ZNF516: variants seen among roughly 807,000 people sequenced by gnomAD.
The protein encoded by ZNF516 is zinc finger protein 516.
ZNF516 carries 19 observed loss-of-function variants against 79.7 expected under a neutral mutation model. That is an observed-to-expected ratio of 0.24 (90% confidence interval 0.17 to 0.35). The LOEUF (loss-of-function observed/expected upper bound fraction) is 0.35, where lower values mean the gene tolerates loss of function less well. Ranked by LOEUF, ZNF516 falls within the 10% of genes least tolerant of loss-of-function variation. The pLI, the probability that ZNF516 is intolerant of heterozygous loss-of-function variation, is 1.00. For missense variants in ZNF516, 1,678 were observed against 1,679.5 expected, an observed-to-expected ratio of 1.00 and a Z score of 0.02; for synonymous variants, 877 against 739.5, an observed-to-expected ratio of 1.19 and a Z score of -3.02.
chr18:76,425,882 A>C (rs1234893476), intron 3 of ZNF516, among the ~76,000 whole-genome samples: 1 of 152,168 alleles, frequency 6.6e-6, no homozygotes, highest in Non-Finnish European at 1.5e-5. Context: ...CCCAGGCCCA[A>C]CCAAGCTTCC....
chr18:76,475,548 TGCACG>T (rs1914124916), intron 1 of ZNF516, among the ~76,000 whole-genome samples: 1 of 152,220 alleles, frequency 6.6e-6, no homozygotes, highest in Non-Finnish European at 1.5e-5. Context: ...TAAAGTTCCC[TGCACG>T]CTAAGAGAAA....
chr18:76,492,013 G>A, intron 1 of ZNF516, among the ~76,000 whole-genome samples: 1 of 152,196 alleles, frequency 6.6e-6, no homozygotes, highest in Non-Finnish European at 1.5e-5. Context: ...GACGAAGGTC[G>A]CCCACGGACC....
chr18:76,451,253 C>T lies in ZNF516; in HGVS notation c.-157-8042G>A, dbSNP rs769941070. Among the ~76,000 whole-genome samples, 2 of 152,152 alleles carry T rather than the reference C, an allele frequency of 1.3e-5. No individual in the cohort carries two copies. Among genetic ancestry groups the T allele is most frequent in the Non-Finnish European group, 1.5e-5 (1 of 68,034 alleles). On this transcript the variant is annotated intron_variant, in intron 2 of 6. Transcript: ENST00000443185. This position sits in a 1 kb window ranked among gnomAD's most constrained non-coding sequence, Gnocchi z 6.0. ...GGTCCCGAAACAGCCCTGGCTCCCCCGACGCCATGTGGCTTTACTTATCCC... is the reference window on the plus strand; with the variant it reads ...GGTCCCGAAACAGCCCTGGCTCCCCTGACGCCATGTGGCTTTACTTATCCC...
At chr18:76,489,221 C>G (rs993043448) in intron 1 of ZNF516, among the ~76,000 whole-genome samples, 7 of 152,302 alleles carry the variant, frequency 4.6e-5, no homozygotes, top group African/African-American at 1.7e-4. Context: ...AAATCCACAA[C>G]GACCCAATAC....
chr18:76,397,782 G>A (rs1228715691), intron 3 of ZNF516, among the ~76,000 whole-genome samples: 1 of 152,050 alleles, frequency 6.6e-6, no homozygotes, highest in African/African-American at 2.4e-5. Flanking sequence ...AAAACTTTTT[G>A]TAGAGATGGG....
At chr18:76,424,094 G>A (rs371334967) in intron 3 of ZNF516, among the ~76,000 whole-genome samples, 1 of 103,896 alleles carries the variant, frequency 9.6e-6, no homozygotes, top group African/African-American at 3.8e-5. Context: ...TACACACGCA[G>A]GTGAAAAGGC....
intron 2 of ZNF516, among the ~76,000 whole-genome samples, chr18:76,460,316 G>C (rs940244310): frequency 5.3e-5 from 8 of 152,102 alleles, no homozygotes; most frequent in Admixed American, 4.6e-4. Flanking sequence ...CACATCCCTC[G>C]ACAAGGCTGT....
intron 1 of ZNF516, among the ~76,000 whole-genome samples, chr18:76,466,637 A>C (rs1165913949): frequency 6.6e-6 from 1 of 152,220 alleles, no homozygotes; most frequent in Non-Finnish European, 1.5e-5. Flanking sequence ...CAGGCTCTCT[A>C]GACAGCGTGG....
intron 4 of ZNF516, chr18:76,372,804 C>T (rs1391536585): frequency 6.6e-6 from 1 of 152,226 alleles, no homozygotes; most frequent in Non-Finnish European, 1.5e-5. Flanking sequence ...TCAATATTCC[C>T]ATTGCCTTAC....
At chr18:76,424,576 C>T (rs183911553) in intron 3 of ZNF516, among the ~76,000 whole-genome samples, 1,486 of 108,388 alleles carry the variant, frequency 0.014, 24 homozygotes, top group African/African-American at 0.03. Flanking sequence ...AAGGTTCCCC[C>T]GAAACACACG....
chr18:76,362,384 T>C lies in ZNF516; in HGVS notation c.*114A>G. On this transcript the variant is annotated 3_prime_UTR_variant, in exon 7 of 7. Transcript: ENST00000443185. ...GGATGTGAGGTGTCTGCTCAGGAGT[T>C]CCCCGGCTGTTCTTCCATGGAGCGG... 3 of 1,018,282 alleles carry C rather than the reference T, an allele frequency of 2.9e-6. No individual in the cohort carries two copies. Among genetic ancestry groups the C allele is most frequent in the Non-Finnish European group, 4.4e-6 (3 of 680,022 alleles). The allele number at this position is 1,018,282 out of a possible 1,614,324, so 63.1% of individuals were successfully genotyped here.
rs771744261 is a variant in ZNF516, at chr18:76,442,770, C to G, written c.285G>C (p.Pro95=). The G allele has an allele frequency of 6.3e-7, 1 of 1,595,430 alleles. No individual in the cohort carries two copies. The highest frequency in any genetic ancestry group is 1.7e-5 in the Admixed American group (1 of 57,162). Residue 95 remains proline, a synonymous_variant, in exon 3 of 7, where the codon CCG becomes CCC. Coordinates refer to ENST00000443185, the MANE Select transcript of ZNF516 (RefSeq NM_014643.4). The part of the protein sequence containing the change: ...RTGTLIQGHE[P]EAGEAPLGEM... ...CACCCAGCGGCGCCTCGCCCGCCTC[C>G]GGCTCGTGTCCCTGAATCAGAGTCC...
At chr18:76,383,793 C>T (rs1435217816) in intron 3 of ZNF516, among the ~76,000 whole-genome samples, 3 of 152,376 alleles carry the variant, frequency 2.0e-5, no homozygotes, top group Middle Eastern at 6.8e-3. Flanking sequence ...CAGGCCCAAG[C>T]GCTCCCCGCA....
intron 1 of ZNF516, among the ~76,000 whole-genome samples, chr18:76,475,773 A>G (rs1417518452): frequency 6.6e-6 from 1 of 152,210 alleles, no homozygotes; most frequent in Non-Finnish European, 1.5e-5. Flanking sequence ...ACATGCCTTA[A>G]AGCAAATACA....
At position 76,443,215 on chromosome 18, in the gene ZNF516, A is replaced by T; in HGVS notation, c.-157-4T>A. On this transcript the variant is annotated splice_polypyrimidine_tract_variant and splice_region_variant and intron_variant, in intron 2 of 6. Coordinates refer to ENST00000443185, the MANE Select transcript of ZNF516 (RefSeq NM_014643.4). The stretch of plus-strand genomic sequence containing the variant: ...CGCAGCAGCTGGCAGCCAGCACCTG[A>T]AACAGAGATGGAACATCATCAGCAA... 9.2e-7 allele frequency: 1 copy of T among 1,088,542 alleles called. No homozygotes were observed. Among genetic ancestry groups the T allele is most frequent in the Non-Finnish European group, 1.3e-6 (1 of 791,940 alleles). The allele number at this position is 1,088,542 out of a possible 1,614,324, so 67.4% of individuals were successfully genotyped here.
At position 76,431,207 on chromosome 18, in the gene ZNF516, CATA is replaced by C. The variant is rs370804485; in HGVS notation, c.1810+10035_1810+10037del. Among the ~76,000 whole-genome samples the C allele has an allele frequency of 4.3e-3, 658 of 152,252 alleles. 4 individuals are homozygous for C. Among genetic ancestry groups the C allele is most frequent in the African/African-American group, 0.015 (629 of 41,548 alleles). On this transcript the variant is annotated intron_variant, in intron 3 of 6. Transcript: ENST00000443185. ...CTAAGAACCACAAAAAGAAAAACCA[CATA>C]CACACAAATGAAAAATTACGAACTT...
chr18:76,464,166 A>T (rs1913299357), intron 1 of ZNF516, among the ~76,000 whole-genome samples: 1 of 152,034 alleles, frequency 6.6e-6, no homozygotes, highest in Non-Finnish European at 1.5e-5. Flanking sequence ...TGTACTAAAA[A>T]TACAAAAAAA....
At position 76,444,469 on chromosome 18, in the gene ZNF516, A is replaced by C. The variant is rs76954232; in HGVS notation, c.-157-1258T>G. Among the ~76,000 whole-genome samples, 385 of 152,296 alleles carry C rather than the reference A, an allele frequency of 2.5e-3. 1 individual carries two copies. The highest frequency in any genetic ancestry group is 8.5e-3 in the African/African-American group (355 of 41,558). On this transcript the variant is annotated intron_variant, in intron 2 of 6. Transcript: ENST00000443185. The stretch of plus-strand genomic sequence containing the variant: ...AGCCTACAATCTCACACACACTAAG[A>C]ACTCCTGCTTAAACATCTATAAAAC...
chr18:76,492,177 A>G (rs1328095956), intron 1 of ZNF516: 3 of 985,294 alleles, frequency 3.0e-6, no homozygotes, highest in Non-Finnish European at 3.6e-6. Flanking sequence ...TGGGTACAGA[A>G]GCGCAGCAAC....
Sources: allele counts gnomAD v4.1 joint callset (sites outside exome capture counted in the v4.1 genomes callset), GRCh38; gene constraint gnomAD v4.1.1; non-coding constraint Gnocchi (gnomAD v3.1); transcripts MANE v1.5; gene names NCBI Gene and HGNC (gene_info 2026-07-23, HGNC 2026-07-21).